Variants in GPR15LG observed in about 807,000 individuals in gnomAD.
GPR15LG encodes the protein protein GPR15LG.
chr10:84,180,681 G>GAT, the GPR15LG span, among the ~76,000 whole-genome samples: 29 of 152,330 alleles, frequency 1.9e-4, no homozygotes, highest in African/African-American at 7.0e-4. Context: ...TTCCTAGACG[G>GAT]GGTGGCGGCC....
chr10:84,184,771 C>G, the GPR15LG span: 3 of 1,613,582 alleles, frequency 1.9e-6, no homozygotes, highest in Non-Finnish European at 2.5e-6. Flanking sequence ...GTGTAGCACT[C>G]CCAAAGCAAG....
chr10:84,174,642 A>C, the GPR15LG span, among the ~76,000 whole-genome samples: 1 of 151,612 alleles, frequency 6.6e-6, no homozygotes, highest in Admixed American at 6.6e-5. Flanking sequence ...ACAGGTGCCC[A>C]CCACCAAGCC....
At chr10:84,175,139 G>T in the GPR15LG span, among the ~76,000 whole-genome samples, 1 of 152,160 alleles carries the variant, frequency 6.6e-6, no homozygotes, top group Non-Finnish European at 1.5e-5. Context: ...TTACAACCCA[G>T]TGTCAGCAGC....
the GPR15LG span, among the ~76,000 whole-genome samples, chr10:84,174,491 T>TTC: frequency 7.9e-5 from 11 of 138,474 alleles, no homozygotes; most frequent in South Asian, 2.4e-4. Flanking sequence ...TTTTTTCTTT[T>TTC]TTCTTTTTTT....
At chr10:84,176,550 C>T in the GPR15LG span, 8 of 1,613,908 alleles carry the variant, frequency 5.0e-6, no homozygotes, top group Admixed American at 1.7e-5. Context: ...TCCCTAGCCC[C>T]AACTCAACAA....
At chr10:84,175,468 G>T in the GPR15LG span, among the ~76,000 whole-genome samples, 20 of 152,332 alleles carry the variant, frequency 1.3e-4, no homozygotes, top group Admixed American at 1.2e-3. Flanking sequence ...GTACTATGAT[G>T]AATTTACATG....
the GPR15LG span, among the ~76,000 whole-genome samples, chr10:84,175,840 T>C: frequency 6.6e-6 from 1 of 151,884 alleles, no homozygotes; most frequent in Non-Finnish European, 1.5e-5. Flanking sequence ...GTAAAAGGTA[T>C]ATATGTACAT....
At chr10:84,185,119 C>T in the GPR15LG span, 1 of 1,109,266 alleles carries the variant, frequency 9.0e-7, no homozygotes, top group South Asian at 2.3e-5. Flanking sequence ...CCAAGGGTGG[C>T]TGACCAAGAC....
the GPR15LG span, among the ~76,000 whole-genome samples, chr10:84,183,758 A>G: frequency 6.6e-6 from 1 of 151,782 alleles, no homozygotes; most frequent in African/African-American, 2.4e-5. Flanking sequence ...TGATCCTCCC[A>G]CCTCAGCCTC....
the GPR15LG span, chr10:84,184,929 G>C: frequency 6.8e-7 from 1 of 1,471,518 alleles, no homozygotes; most frequent in East Asian, 2.6e-5. Flanking sequence ...AGAACTCCAC[G>C]TCCTTGTCTC....
At chr10:84,181,574 A>G in the GPR15LG span, among the ~76,000 whole-genome samples, 1 of 152,098 alleles carries the variant, frequency 6.6e-6, no homozygotes, top group Non-Finnish European at 1.5e-5. Context: ...GATGCGTGCC[A>G]TCACACTCAG....
chr10:84,182,821 T>C, the GPR15LG span, among the ~76,000 whole-genome samples: 3 of 152,048 alleles, frequency 2.0e-5, no homozygotes, highest in Non-Finnish European at 4.4e-5. Flanking sequence ...ACAAAATTTA[T>C]TGTAGGAGCC....
At chr10:84,176,954 A>G in the GPR15LG span, among the ~76,000 whole-genome samples, 19 of 152,168 alleles carry the variant, frequency 1.2e-4, no homozygotes, top group East Asian at 2.3e-3. Context: ...AGAGTGGGGT[A>G]TGGAAGACAG....
the GPR15LG span, among the ~76,000 whole-genome samples, chr10:84,180,135 G>A: frequency 0.016 from 1,549 of 95,266 alleles, no homozygotes; most frequent in South Asian, 0.021. Flanking sequence ...ATCTTGCACC[G>A]CCCTTAATCC....
chr10:84,176,771 G>C, the GPR15LG span, among the ~76,000 whole-genome samples: 1 of 152,090 alleles, frequency 6.6e-6, no homozygotes, highest in African/African-American at 2.4e-5. Context: ...TTCTGCCATG[G>C]AAAAAAAGCA....
the GPR15LG span, among the ~76,000 whole-genome samples, chr10:84,184,279 C>T: frequency 2.0e-5 from 3 of 152,170 alleles, no homozygotes; most frequent in Admixed American, 1.3e-4. Flanking sequence ...TTTTGGGACA[C>T]GTTGCCTGGC....
At chr10:84,177,441 G>T in the GPR15LG span, among the ~76,000 whole-genome samples, 1 of 152,212 alleles carries the variant, frequency 6.6e-6, no homozygotes, top group Non-Finnish European at 1.5e-5. Context: ...TGCAGCCCCA[G>T]TGCCCACTCT....
the GPR15LG span, chr10:84,176,717 T>A: frequency 1.7e-6 from 1 of 600,032 alleles, no homozygotes. Context: ...ATTTGTTGAC[T>A]CCCCCCCAAA....
the GPR15LG span, among the ~76,000 whole-genome samples, chr10:84,178,072 CACAT>C: frequency 4.6e-5 from 7 of 151,808 alleles, no homozygotes; most frequent in Non-Finnish European, 1.0e-4. Flanking sequence ...GACACACAGA[CACAT>C]ACACGCTACA....
Sources: gnomAD v4.1 joint callset for allele counts (sites outside exome capture counted in the v4.1 genomes callset) on GRCh38, gnomAD v4.1.1 for gene constraint, MANE v1.5 for transcripts, NCBI Gene and HGNC (gene_info 2026-07-23, HGNC 2026-07-21) for gene names.